The following LSS variants were observed in gnomAD, a reference collection of about 807,000 sequenced individuals.
LSS encodes the protein 2,3-epoxysqualene-lanosterol cyclase.
Under a neutral mutation model 110.3 loss-of-function variants are expected in LSS, and 90 were observed. The observed-to-expected ratio is 0.82, with a 90% confidence interval of 0.69 to 0.97. LSS has a LOEUF of 0.97. Ranked by LOEUF, LSS falls within the 50% of genes least tolerant of loss-of-function variation. The pLI is 0.00. For synonymous variants in LSS, 433 were observed against 400.0 expected, an observed-to-expected ratio of 1.08 and a Z score of -0.98; for missense variants, 927 against 990.0, an observed-to-expected ratio of 0.94 and a Z score of 0.85.
intron 2 of LSS, among the ~76,000 whole-genome samples, 190 bp from the exon 3 acceptor site, chr21:46,227,880 T>C (rs1328093547): frequency 1.3e-5 from 2 of 152,230 alleles, no homozygotes; most frequent in Non-Finnish European, 2.9e-5. Context: ...AAAGAACAGC[T>C]GCACATTTTC....
Position 46,190,309 on chromosome 21 carries a change from G to A in LSS, c.*795C>T, listed in dbSNP as rs1227987905. On this transcript the variant is annotated 3_prime_UTR_variant, in exon 22 of 22. Coordinates refer to ENST00000397728, the MANE Select transcript of LSS (RefSeq NM_002340.6). This position sits in a 1 kb window ranked among gnomAD's most constrained non-coding sequence, Gnocchi z 4.6. ...CCACAAGACTACTATAAACCCTGTA[G>A]ACACCTCACAAACAGCATTCCACGC... 3.1e-5 allele frequency: 5 copies of A among 161,434 alleles called. 1 individual carries two copies. Among genetic ancestry groups the A allele is most frequent in the African/African-American group, 1.2e-4 (5 of 40,156 alleles). The allele number at this position is 161,434 out of a possible 1,614,324, so 10.0% of individuals were successfully genotyped here.
chr21:46,223,997 T>C (rs775525186), intron 3 of LSS, among the ~76,000 whole-genome samples: 1 of 152,162 alleles, frequency 6.6e-6, no homozygotes, highest in African/African-American at 2.4e-5. Flanking sequence ...GGCCTCACAT[T>C]AGTCAGACCT....
chr21:46,192,866 T>C, intron 20 of LSS: 1 of 450,238 alleles, frequency 2.2e-6, no homozygotes. Flanking sequence ...CGGGTGCATC[T>C]GCATATGTGT....
chr21:46,216,548 G>A lies in LSS; in HGVS notation c.648-24C>T. 1 of 1,571,064 alleles carries A rather than the reference G, an allele frequency of 6.4e-7. No homozygotes were observed. Among genetic ancestry groups the A allele is most frequent in the Non-Finnish European group, 8.7e-7 (1 of 1,155,440 alleles). ...GCCTGGGGCAACAGCAGGAGTCAGT[G>A]GGAGACCCCAAGACTCAAGCCTGCC... On this transcript the variant is annotated intron_variant, in intron 6 of 21. Coordinates refer to ENST00000397728, the MANE Select transcript of LSS (RefSeq NM_002340.6). This position sits in a 1 kb window ranked among gnomAD's most constrained non-coding sequence, Gnocchi z 4.2.
At chr21:46,202,254 C>G (rs1253694731) in intron 17 of LSS, among the ~76,000 whole-genome samples, 1 of 143,972 alleles carries the variant, frequency 6.9e-6, no homozygotes, top group African/African-American at 2.5e-5. Context: ...ATTAGCCGGG[C>G]GTAGTGGCGG....
chr21:46,200,861 C>T (rs2079969151), intron 17 of LSS, among the ~76,000 whole-genome samples: 2 of 152,248 alleles, frequency 1.3e-5, no homozygotes, highest in East Asian at 3.8e-4. Context: ...ATTTCATCAA[C>T]ATTAACATTC....
intron 12 of LSS, 87 bp downstream of exon 12, chr21:46,210,601 G>T: frequency 2.3e-6 from 3 of 1,300,176 alleles, no homozygotes; most frequent in South Asian, 1.2e-5. Flanking sequence ...CAAGTGTGTG[G>T]CCAGCAGTGC....
Position 46,196,217 on chromosome 21 carries a change from T to G in LSS, c.1721A>C (p.Asp574Ala). The change falls in exon 18 of 22, where the codon GAT becomes GCT. Residue 574 changes from aspartate (D) to alanine (A), a missense_variant. Physicochemically the swap from Asp to Ala is moderately radical, Grantham distance 126. Coordinates refer to ENST00000397728, the MANE Select transcript of LSS (RefSeq NM_002340.6). ...LEFCRRQQRA[D>A]GSWEGSWGVC... ...GCTCACTCACCCTTCCCAGGAGCCA[T>G]CGGCCCTCTGCTGCCGCCGACAGAA... 6.2e-7 allele frequency: 1 copy of G among 1,614,106 alleles called. No homozygotes were observed. The highest frequency in any genetic ancestry group is 1.1e-5 in the South Asian group (1 of 91,086).
Position 46,207,532 on chromosome 21 carries a change from C to A in LSS, c.1363G>T (p.Asp455Tyr). ...GCCTTCAAGGCCTCAGCCGTGCAGT[C>A]AGAAACGATCCAGCCGCAGTCCAGC... The part of the protein sequence containing the change: ...STLDCGWIVS[D>Y]CTAEALKAVL... Residue 455 changes from aspartate to tyrosine, a missense_variant, in exon 15 of 22, where the codon GAC (aspartate) becomes TAC (tyrosine). Physicochemically the swap from Asp to Tyr is radical, Grantham distance 160. Coordinates refer to ENST00000397728, the MANE Select transcript of LSS (RefSeq NM_002340.6). The A allele has an allele frequency of 1.9e-6, 3 of 1,611,630 alleles. No homozygotes were observed. The highest frequency in any genetic ancestry group is 2.5e-6 in the Non-Finnish European group (3 of 1,179,242).
chr21:46,199,269 A>C (rs1486740920), intron 17 of LSS, among the ~76,000 whole-genome samples: 1 of 152,246 alleles, frequency 6.6e-6, no homozygotes, highest in African/African-American at 2.4e-5. Context: ...TAACTATATG[A>C]CAAGATTTTA....
At chr21:46,220,908 G>A (rs1197398495) in intron 5 of LSS, among the ~76,000 whole-genome samples, 1 of 150,376 alleles carries the variant, frequency 6.6e-6, no homozygotes, top group Non-Finnish European at 1.5e-5. Context: ...GAGGTGGACA[G>A]CCCAGGGCTT....
At chr21:46,204,038 A>C (rs1002226735) in intron 17 of LSS, among the ~76,000 whole-genome samples, 1 of 152,246 alleles carries the variant, frequency 6.6e-6, no homozygotes, top group African/African-American at 2.4e-5. Flanking sequence ...CACACCTGTA[A>C]TCCCAGCACT....
At chr21:46,218,470 A>G (rs1318047412) in intron 6 of LSS, among the ~76,000 whole-genome samples, 1 of 151,894 alleles carries the variant, frequency 6.6e-6, no homozygotes, top group Non-Finnish European at 1.5e-5. Context: ...CTAAAAATAC[A>G]ACAATTAGCT....
intron 6 of LSS, among the ~76,000 whole-genome samples, chr21:46,217,013 G>A (rs1601441644): frequency 6.6e-6 from 1 of 152,068 alleles, no homozygotes; most frequent in Non-Finnish European, 1.5e-5. Flanking sequence ...TTGGGAGGCC[G>A]AGGCTGGTGG....
At chr21:46,200,997 C>T (rs2079971012) in intron 17 of LSS, among the ~76,000 whole-genome samples, 1 of 149,034 alleles carries the variant, frequency 6.7e-6, no homozygotes, top group African/African-American at 2.6e-5. Context: ...TGTGGGAAGA[C>T]AGGTAATGAA....
At chr21:46,221,671 C>CT in intron 5 of LSS, 183 bp downstream of exon 5, 1 of 862,532 alleles carries the variant, frequency 1.2e-6, no homozygotes, top group Non-Finnish European at 1.7e-6. Flanking sequence ...TCTTAATTTG[C>CT]TTTTTTAAAA....
At chr21:46,201,657 T>G (rs1432747254) in intron 17 of LSS, among the ~76,000 whole-genome samples, 1 of 152,168 alleles carries the variant, frequency 6.6e-6, no homozygotes, top group Non-Finnish European at 1.5e-5. Flanking sequence ...CACTTTTCAG[T>G]ATTTTTGTAA....
chr21:46,189,281 T>C lies in LSS; in HGVS notation c.*1823A>G, dbSNP rs2079770678. ...TAGGAGTCCCAGGGACAGCAGCCTCTGCTCAGGGCAGACTCTGTGATTCAC... is the reference window on the plus strand; with the variant it reads ...TAGGAGTCCCAGGGACAGCAGCCTCCGCTCAGGGCAGACTCTGTGATTCAC... On this transcript the variant is annotated 3_prime_UTR_variant, in exon 22 of 22. Coordinates refer to ENST00000397728, the MANE Select transcript of LSS (RefSeq NM_002340.6). 2 of 231,670 alleles carry C rather than the reference T, an allele frequency of 8.6e-6. No homozygotes were observed. Among genetic ancestry groups the C allele is most frequent in the South Asian group, 1.1e-4 (2 of 18,158 alleles). The allele number at this position is 231,670 out of a possible 1,614,324, so 14.4% of individuals were successfully genotyped here.
At chr21:46,203,477 G>C (rs984265408) in intron 17 of LSS, among the ~76,000 whole-genome samples, 2 of 152,242 alleles carry the variant, frequency 1.3e-5, no homozygotes, top group African/African-American at 4.8e-5. Flanking sequence ...TCAGGGGCGA[G>C]GAGGGGCGAC....
Sources: allele counts gnomAD v4.1 joint callset (sites outside exome capture counted in the v4.1 genomes callset), GRCh38; gene constraint gnomAD v4.1.1; non-coding constraint Gnocchi (gnomAD v3.1); transcripts MANE v1.5; gene names NCBI Gene and HGNC (gene_info 2026-07-23, HGNC 2026-07-21).